The following CNTNAP2 variants were observed in gnomAD, a reference collection of about 807,000 sequenced individuals.
CNTNAP2 encodes the protein contactin-associated protein-like 2.
Under a neutral mutation model 155.2 loss-of-function variants are expected in CNTNAP2, and 98 were observed. The ratio of observed to expected loss-of-function variants is 0.63; its 90% CI spans 0.54 to 0.75. CNTNAP2 has a LOEUF of 0.75. Among genes scored for constraint, CNTNAP2 ranks in the 30% least tolerant of loss-of-function variants. The pLI, the probability that CNTNAP2 is intolerant of heterozygous loss-of-function variation, is 0.00. For missense variants in CNTNAP2, 1,727 were observed against 1,688.1 expected (o/e 1.02, Z -0.40); for synonymous variants, 651 against 631.2 (o/e 1.03, Z -0.47).
rs755941657 is a variant in CNTNAP2, at chr7:147,335,635, C to T, written c.1498+35345C>T. 2.2e-4 allele frequency among the ~76,000 whole-genome samples: 34 copies of T among 151,996 alleles called. 1 individual carries two copies. Among genetic ancestry groups the T allele is most frequent in the African/African-American group, 6.5e-4 (27 of 41,400 alleles). ...AGAAACAGAGACGGAGGAAATCTTGCGATCAAAGCCACCAAATGAAAAGAG... is the reference window on the plus strand; with the variant it reads ...AGAAACAGAGACGGAGGAAATCTTGTGATCAAAGCCACCAAATGAAAAGAG... On this transcript the variant is annotated intron_variant, in intron 9 of 23. Transcript: ENST00000361727.
At chr7:146,354,232 C>A (rs965017117) in intron 1 of CNTNAP2, among the ~76,000 whole-genome samples, 1 of 151,390 alleles carries the variant, frequency 6.6e-6, no homozygotes, top group African/African-American at 2.5e-5. Flanking sequence ...GCTTTAGATT[C>A]TAAATGCGTA....
chr7:148,020,857 C>G (rs1380942531), intron 15 of CNTNAP2, among the ~76,000 whole-genome samples: 1 of 152,078 alleles, frequency 6.6e-6, no homozygotes, highest in Non-Finnish European at 1.5e-5. Context: ...TGAATGCTAC[C>G]GTAATTAAAG....
chr7:146,280,805 C>T (rs1020601836), intron 1 of CNTNAP2, among the ~76,000 whole-genome samples: 1 of 152,158 alleles, frequency 6.6e-6, no homozygotes, highest in African/African-American at 2.4e-5. Flanking sequence ...CCAATAGAAT[C>T]TCATTCTCTT....
At chr7:147,174,969 AC>A in intron 8 of CNTNAP2, among the ~76,000 whole-genome samples, 1 of 152,258 alleles carries the variant, frequency 6.6e-6, no homozygotes, top group Admixed American at 6.5e-5. Context: ...ATTTACATCA[AC>A]CATACCGCCG....
At chr7:146,893,532 A>T (rs2129211957) in intron 3 of CNTNAP2, among the ~76,000 whole-genome samples, 1 of 152,020 alleles carries the variant, frequency 6.6e-6, no homozygotes, top group East Asian at 1.9e-4. Flanking sequence ...AGGGAAATGC[A>T]TTTTCTCTCC....
intron 4 of CNTNAP2, among the ~76,000 whole-genome samples, chr7:147,048,596 C>T (rs1799413187): frequency 6.6e-6 from 1 of 152,138 alleles, no homozygotes; most frequent in South Asian, 2.1e-4. Flanking sequence ...ATAGAACTTT[C>T]TACAAAGATG....
intron 3 of CNTNAP2, among the ~76,000 whole-genome samples, chr7:147,037,704 A>T (rs1040948405): frequency 6.6e-6 from 1 of 152,070 alleles, no homozygotes; most frequent in African/African-American, 2.4e-5. Context: ...GATTTGAAAA[A>T]ATAGCATCCC....
At chr7:146,620,100 A>G (rs1329121489) in intron 1 of CNTNAP2, among the ~76,000 whole-genome samples, 1 of 152,146 alleles carries the variant, frequency 6.6e-6, no homozygotes, top group African/African-American at 2.4e-5. Flanking sequence ...GTTCACTGGG[A>G]TGCTTTTCCA....
chr7:147,415,631 A>G (rs1330154869), intron 10 of CNTNAP2, among the ~76,000 whole-genome samples: 3 of 152,262 alleles, frequency 2.0e-5, no homozygotes, highest in Admixed American at 2.0e-4. Flanking sequence ...TCTTTCCTTT[A>G]TAAATTACCC....
At chr7:146,338,080 G>A (rs183553354) in intron 1 of CNTNAP2, among the ~76,000 whole-genome samples, 281 of 152,284 alleles carry the variant, frequency 1.8e-3, no homozygotes, top group Non-Finnish European at 3.4e-3. Flanking sequence ...ATGAGAGAGA[G>A]GAGAGAGGGG....
At chr7:146,160,886 A>G (rs1441798301) in intron 1 of CNTNAP2, among the ~76,000 whole-genome samples, 1 of 152,196 alleles carries the variant, frequency 6.6e-6, no homozygotes, top group Non-Finnish European at 1.5e-5. Flanking sequence ...AAAGCCTGGC[A>G]CAGACACAAC....
Position 146,656,877 on chromosome 7 carries a change from A to G in CNTNAP2, c.98-117394A>G, listed in dbSNP as rs115184737. Among the ~76,000 whole-genome samples the G allele has an allele frequency of 8.0e-3, 1,214 of 152,324 alleles. 10 individuals carry two copies. The highest frequency in any genetic ancestry group is 0.028 in the African/African-American group (1,147 of 41,572). Reference sequence around the variant, plus strand: ...AAAAGTATTATGGCTTATTATGTCAATCTCCTATTTAAAAAGCCTCAACAT... The same window carrying G: ...AAAAGTATTATGGCTTATTATGTCAGTCTCCTATTTAAAAAGCCTCAACAT... On this transcript the variant is annotated intron_variant, in intron 1 of 23. Coordinates refer to ENST00000361727, the MANE Select transcript of CNTNAP2 (RefSeq NM_014141.6).
intron 3 of CNTNAP2, among the ~76,000 whole-genome samples, chr7:146,936,375 T>TA (rs1796914266): frequency 6.6e-6 from 1 of 152,160 alleles, no homozygotes; most frequent in Non-Finnish European, 1.5e-5. Flanking sequence ...CGTTTCTGTA[T>TA]AAGGAGGTAC....
At chr7:148,194,423 C>T (rs1795243731) in intron 18 of CNTNAP2, among the ~76,000 whole-genome samples, 1 of 152,088 alleles carries the variant, frequency 6.6e-6, no homozygotes, top group African/African-American at 2.4e-5. Flanking sequence ...AGTTTTCTTT[C>T]CCCAATTATC....
At chr7:146,465,373 G>A (rs1398018785) in intron 1 of CNTNAP2, among the ~76,000 whole-genome samples, 1 of 152,260 alleles carries the variant, frequency 6.6e-6, no homozygotes, top group African/African-American at 2.4e-5. Context: ...CAAGTCTGCA[G>A]CACAGAACAG....
chr7:147,128,756 G>T lies in CNTNAP2; in HGVS notation c.1003G>T (p.Gly335Cys). Residue 335 changes from glycine (G) to cysteine (C), a missense_variant, in exon 7 of 24, where the codon GGC (glycine) becomes TGC (cysteine). Physicochemically the swap from Gly to Cys is radical, Grantham distance 159. Coordinates refer to ENST00000361727, the MANE Select transcript of CNTNAP2 (RefSeq NM_014141.6). ...PSSSSRKNFK[G>C]CMESINYNGV... ...CTCCAGCAGTAGAAAGAATTTCAAA[G>T]GCTGCATGGAAAGCATCAACTACAA... 6.2e-7 allele frequency: 1 copy of T among 1,614,018 alleles called. No individual in the cohort carries two copies. Among genetic ancestry groups the T allele is most frequent in the Non-Finnish European group, 8.5e-7 (1 of 1,179,960 alleles).
At chr7:147,709,659 G>T (rs945742495) in intron 13 of CNTNAP2, among the ~76,000 whole-genome samples, 1 of 152,110 alleles carries the variant, frequency 6.6e-6, no homozygotes, top group Non-Finnish European at 1.5e-5. Flanking sequence ...GAGCAGCCTT[G>T]TTTTCAAGGT....
At chr7:146,621,802 T>G (rs551486843) in intron 1 of CNTNAP2, among the ~76,000 whole-genome samples, 1 of 152,170 alleles carries the variant, frequency 6.6e-6, no homozygotes, top group South Asian at 2.1e-4. Context: ...TATGTGCAGT[T>G]CACATGTAAG....
chr7:147,380,902 C>T (rs1178254214), intron 9 of CNTNAP2, among the ~76,000 whole-genome samples: 1 of 151,852 alleles, frequency 6.6e-6, no homozygotes, highest in Non-Finnish European at 1.5e-5. Flanking sequence ...CAGAGCCATC[C>T]CCCATATGAA....
Sources: gnomAD v4.1 joint callset for allele counts (sites outside exome capture counted in the v4.1 genomes callset) on GRCh38, gnomAD v4.1.1 for gene constraint, MANE v1.5 for transcripts, NCBI Gene and HGNC (gene_info 2026-07-23, HGNC 2026-07-21) for gene names.